NPC1: variants seen among roughly 807,000 people sequenced by gnomAD.
The protein encoded by NPC1 is NPC intracellular cholesterol transporter 1, also known as Niemann-Pick C1 protein.
In NPC1, 85 loss-of-function variants were observed where a neutral mutation model predicts 140.4. That is an observed-to-expected ratio of 0.61 (90% CI 0.51 to 0.72). NPC1 has a LOEUF of 0.72. Among genes scored for constraint, NPC1 ranks in the 30% least tolerant of loss-of-function variants. The pLI is 0.00. For missense variants in NPC1, 1,504 were observed against 1,623.8 expected, an observed-to-expected ratio of 0.93 and a Z score of 1.27; for synonymous variants, 656 against 624.8, an observed-to-expected ratio of 1.05 and a Z score of -0.74.
chr18:23,585,394 T>C (rs559909467), intron 1 of NPC1, among the ~76,000 whole-genome samples: 21 of 152,284 alleles, frequency 1.4e-4, no homozygotes, highest in Admixed American at 7.2e-4. Context: ...GAGAACTAAA[T>C]AGAAGTCGAA....
chr18:23,550,037 G>A (rs113022015), intron 10 of NPC1, among the ~76,000 whole-genome samples: 45 of 149,550 alleles, frequency 3.0e-4, no homozygotes, highest in African/African-American at 1.1e-3. Context: ...TTTTTTTCTG[G>A]CAAGGTCTCG....
chr18:23,573,207 T>C (rs1199048096), intron 2 of NPC1, among the ~76,000 whole-genome samples: 1 of 152,210 alleles, frequency 6.6e-6, no homozygotes, highest in Non-Finnish European at 1.5e-5. Context: ...AGTCTCTAAA[T>C]AGCAACCTGC....
At chr18:23,558,525 G>C (rs2058987951) in intron 6 of NPC1, among the ~76,000 whole-genome samples, 1 of 152,216 alleles carries the variant, frequency 6.6e-6, no homozygotes, top group South Asian at 2.1e-4. Context: ...GTTAAGGCCA[G>C]AAAAGGAAAG....
chr18:23,578,142 G>A (rs903955115), intron 1 of NPC1, among the ~76,000 whole-genome samples: 12 of 152,252 alleles, frequency 7.9e-5, no homozygotes, highest in African/African-American at 2.9e-4. Context: ...AGGCAGGGGA[G>A]GTGCCGAGAG....
chr18:23,524,991 G>T (rs1200483095), downstream of NPC1, among the ~76,000 whole-genome samples: 1 of 126,660 alleles, frequency 7.9e-6, no homozygotes, highest in East Asian at 2.5e-4. Context: ...TCGTTGCCCA[G>T]GCTGGAGTGC....
chr18:23,507,179 T>C lies in NPC1; in HGVS notation c.432-537A>G, dbSNP rs17202709. 3 of 643,000 alleles carry C rather than the reference T, an allele frequency of 4.7e-6. No individual in the cohort carries two copies. In the Admixed American group the frequency reaches 8.9e-5, roughly 19 times the overall value. 39.8% of individuals were successfully genotyped at this position (643,000 alleles called of 1,614,324 possible). ...CTTACTGTTGTGAAAGGTATAGTTA[T>C]GTTGCATTGTATTAGAGCCTTCAAA... On this transcript the variant is annotated intron_variant, in intron 3 of 3. Coordinates refer to the NPC1 transcript ENST00000591107.
In NPC1 at chr18:23,586,371, C is replaced by T. The variant is rs1256773937; in HGVS notation, c.-28G>A. On this transcript the variant is annotated 5_prime_UTR_variant, in exon 1 of 25. Coordinates refer to ENST00000269228, the MANE Select transcript of NPC1 (RefSeq NM_000271.5). ...TGTGGCCGCGCAAGGCTGCTGACGC[C>T]GGCGGCGTTCGGCTGGTTGGGCTCC... 4 of 1,530,988 alleles carry T rather than the reference C, an allele frequency of 2.6e-6. No homozygotes were observed. Among genetic ancestry groups the T allele is most frequent in the African/African-American group, 1.4e-5 (1 of 72,358 alleles). 94.8% of individuals were successfully genotyped at this position (1,530,988 alleles called of 1,614,324 possible). A position where few individuals can be genotyped will look rare whatever the true frequency, so the allele number is the denominator to read the frequency against.
At chr18:23,508,061 CTCAGCTGCTGGT>C in intron 3 of NPC1, 1 of 1,594,818 alleles carries the variant, frequency 6.3e-7, no homozygotes, top group Middle Eastern at 1.7e-4. Context: ...CAGGCCCTTT[CTCAGCTGCTGGT>C]GTCAGTGGTG....
chr18:23,553,391 A>G (rs1218411532), intron 9 of NPC1, among the ~76,000 whole-genome samples: 1 of 152,226 alleles, frequency 6.6e-6, no homozygotes, highest in Non-Finnish European at 1.5e-5. Context: ...GGTATGGAGC[A>G]TAAGCTATTG....
chr18:23,586,496 C>G lies in NPC1; in HGVS notation c.-153G>C, dbSNP rs925721080. The G allele has an allele frequency of 1.4e-6, 2 of 1,416,556 alleles. No individual in the cohort carries two copies. Among genetic ancestry groups the G allele is most frequent in the Non-Finnish European group, 9.1e-7 (1 of 1,093,326 alleles). 87.7% of individuals were successfully genotyped at this position (1,416,556 alleles called of 1,614,324 possible). On this transcript the variant is annotated 5_prime_UTR_variant, in exon 1 of 25. Transcript: ENST00000269228. The stretch of plus-strand genomic sequence containing the variant: ...GACCGCGGCAGCAGGCTGCGCGCGC[C>G]GGTCAGGAAGGAAGAAGGCGTCGTC...
chr18:23,543,333 A>AC (rs71373350), intron 14 of NPC1, 122 bp downstream of exon 14: 3 of 250,466 alleles, frequency 1.2e-5, no homozygotes, highest in East Asian at 7.2e-5. Context: ...CGTCTCAGAG[A>AC]AAAAAAAAAA....
At chr18:23,579,936 T>C (rs917284147) in intron 1 of NPC1, among the ~76,000 whole-genome samples, 38 of 151,142 alleles carry the variant, frequency 2.5e-4, no homozygotes, top group African/African-American at 8.7e-4. Context: ...TAGCAACTGC[T>C]AAATTGGACC....
intron 4 of NPC1, 30 bp downstream of exon 4, chr18:23,568,793 T>A: frequency 6.3e-7 from 1 of 1,585,414 alleles, no homozygotes; most frequent in African/African-American, 1.3e-5. Flanking sequence ...ATGCCAGCTG[T>A]AAAAGAGGAA....
At chr18:23,539,705 T>C (rs2058684436) in intron 18 of NPC1, 106 bp downstream of exon 18, 1 of 1,331,882 alleles carries the variant, frequency 7.5e-7, no homozygotes, top group East Asian at 2.4e-5. Flanking sequence ...TAAAAACAAC[T>C]TTTCCAAGAA....
chr18:23,532,242 C>A lies in NPC1; in HGVS notation c.3797G>T (p.Arg1266Leu). ...NKAKSCATEERYKGTERERLL... is the reference protein window; with the variant it reads ...NKAKSCATEELYKGTERERLL... ...CCGTTCGCGCTCTGTTCCTTTGTAT[C>A]GCTCTTCAGTGGCACAACTTTTGGC... The change falls in exon 25 of 25, where the codon CGA becomes CTA. Residue 1266 changes from arginine (R) to leucine (L), a missense_variant. Transcript: ENST00000269228. 1.2e-6 allele frequency: 2 copies of A among 1,614,054 alleles called. No individual in the cohort carries two copies. Among genetic ancestry groups the A allele is most frequent in the African/African-American group, 2.7e-5 (2 of 74,980 alleles).
downstream of NPC1, among the ~76,000 whole-genome samples, chr18:23,521,669 A>G (rs950833521): frequency 4.0e-5 from 6 of 150,582 alleles, no homozygotes; most frequent in Admixed American, 1.3e-4. Context: ...ATAGAACTGA[A>G]AGAATATTCA....
At chr18:23,532,809 G>T in intron 24 of NPC1, 1 of 893,032 alleles carries the variant, frequency 1.1e-6, no homozygotes, top group Non-Finnish European at 1.3e-6. Flanking sequence ...CTACTTCAGT[G>T]CTTCAATTTA....
downstream of NPC1, among the ~76,000 whole-genome samples, chr18:23,522,122 T>C (rs2058158604): frequency 6.6e-6 from 1 of 152,280 alleles, no homozygotes; most frequent in South Asian, 2.1e-4. Flanking sequence ...TCAGCCTGAC[T>C]GCCCTGTCTT....
chr18:23,523,997 C>T lies in NPC1; in HGVS notation c.164-1091G>A, dbSNP rs1000475914. ...GTGCTTTCAGTGAGACGGAACAGTTCATTTCTTCCTTGACTACAATTGAAT... is the reference window on the plus strand; with the variant it reads ...GTGCTTTCAGTGAGACGGAACAGTTTATTTCTTCCTTGACTACAATTGAAT... On this transcript the variant is annotated intron_variant, in intron 1 of 1. Coordinates refer to the NPC1 transcript ENST00000590723. The T allele has an allele frequency of 5.0e-6, 5 of 999,072 alleles. No individual in the cohort carries two copies. The African/African-American group carries it at 7.9e-5, about 16-fold the overall frequency. The allele number at this position is 999,072 out of a possible 1,614,324, so 61.9% of individuals were successfully genotyped here. A position where few individuals can be genotyped will look rare whatever the true frequency, so the allele number is the denominator to read the frequency against.
Sources: gnomAD v4.1 joint callset for allele counts (sites outside exome capture counted in the v4.1 genomes callset) on GRCh38, gnomAD v4.1.1 for gene constraint, MANE v1.5 for transcripts, NCBI Gene and HGNC (gene_info 2026-07-23, HGNC 2026-07-21) for gene names.